Variants in DLG2 observed in about 807,000 individuals in gnomAD.
DLG2 encodes discs large MAGUK scaffold protein 2.
A neutral mutation model predicts 132.5 loss-of-function variants in DLG2; 45 were observed. The ratio of observed to expected loss-of-function variants is 0.34; its 90% CI spans 0.27 to 0.44. The LOEUF (loss-of-function observed/expected upper bound fraction) is 0.44, where lower values mean the gene tolerates loss of function less well. Among genes scored for constraint, DLG2 ranks in the 20% least tolerant of loss-of-function variants. The pLI is 1.00. For synonymous variants in DLG2, 424 were observed against 419.6 expected (o/e 1.01, Z -0.13); for missense variants, 1,045 against 1,196.9 (o/e 0.87, Z 1.87).
At chr11:85,503,224 T>C in intron 3 of DLG2, among the ~76,000 whole-genome samples, 1 of 152,264 alleles carries the variant, frequency 6.6e-6, no homozygotes, top group East Asian at 1.9e-4. Context: ...GCATTCAAGC[T>C]TTTTAAGGTT....
intron 4 of DLG2, among the ~76,000 whole-genome samples, chr11:85,199,580 A>G (rs1291785970): frequency 6.6e-6 from 1 of 152,180 alleles, no homozygotes; most frequent in Non-Finnish European, 1.5e-5. Context: ...TAATTCTGAA[A>G]TTCTTCCTCT....
At chr11:85,153,578 T>A (rs1470406787) in intron 5 of DLG2, among the ~76,000 whole-genome samples, 1 of 152,034 alleles carries the variant, frequency 6.6e-6, no homozygotes, top group Admixed American at 6.6e-5. Context: ...ACAGAAGATA[T>A]CCCTAAAAAA....
intron 3 of DLG2, among the ~76,000 whole-genome samples, chr11:85,503,947 G>A (rs995687788): frequency 6.6e-6 from 1 of 151,434 alleles, no homozygotes. Context: ...GGAGGAGGAG[G>A]AGGAGGAGGG....
chr11:83,843,068 T>C (rs1206982911), intron 16 of DLG2, among the ~76,000 whole-genome samples: 4 of 152,212 alleles, frequency 2.6e-5, no homozygotes, highest in African/African-American at 4.8e-5. Flanking sequence ...AGGATCTGTG[T>C]ACCTTTTAGG....
intron 8 of DLG2, among the ~76,000 whole-genome samples, chr11:84,232,048 A>C (rs2097100434): frequency 6.6e-6 from 1 of 152,160 alleles, no homozygotes; most frequent in Non-Finnish European, 1.5e-5. Context: ...CAACATAGAA[A>C]CTAAAGCCAG....
intron 6 of DLG2, among the ~76,000 whole-genome samples, chr11:84,726,599 A>G (rs185526318): frequency 2.0e-3 from 305 of 152,222 alleles, no homozygotes; most frequent in Non-Finnish European, 3.3e-3. Flanking sequence ...TTTATAGTAG[A>G]ATGATTTATA....
intron 6 of DLG2, among the ~76,000 whole-genome samples, chr11:84,928,982 G>GTGTGTGTGTATATATATATA (rs1400906684): frequency 3.5e-4 from 17 of 49,116 alleles, no homozygotes; most frequent in Non-Finnish European, 4.3e-4. Flanking sequence ...GTGTGTGTGT[G>GTGTGTGTGTATATATATATA]TATATATATA....
At chr11:83,572,753 A>C (rs1192874557) in intron 19 of DLG2, among the ~76,000 whole-genome samples, 1 of 152,162 alleles carries the variant, frequency 6.6e-6, no homozygotes, top group African/African-American at 2.4e-5. Context: ...CTCCTTAGTG[A>C]GGCAACTCAC....
chr11:83,461,942 GTGCCAAA>G (rs1591226683), intron 27 of DLG2, 53 bp downstream of exon 27: 1 of 1,185,490 alleles, frequency 8.4e-7, no homozygotes, highest in East Asian at 2.3e-5. Context: ...AACCCTCTCT[GTGCCAAA>G]TGTCAGACAA....
At chr11:84,360,699 G>C (rs936661710) in intron 7 of DLG2, among the ~76,000 whole-genome samples, 1 of 151,864 alleles carries the variant, frequency 6.6e-6, no homozygotes, top group African/African-American at 2.4e-5. Context: ...TGAAGGATAA[G>C]AAGGACTATC....
At chr11:85,069,033 C>G (rs1566782955) in intron 6 of DLG2, among the ~76,000 whole-genome samples, 1 of 151,860 alleles carries the variant, frequency 6.6e-6, no homozygotes, top group African/African-American at 2.4e-5. Flanking sequence ...ACAAACCTGA[C>G]AAAAACAAGA....
chr11:84,015,094 A>G (rs1163607494), intron 11 of DLG2, among the ~76,000 whole-genome samples: 2 of 152,150 alleles, frequency 1.3e-5, no homozygotes, highest in Non-Finnish European at 2.9e-5. Flanking sequence ...TGTACATTTA[A>G]TCATTCACCT....
chr11:84,775,323 G>A (rs1374830717), intron 6 of DLG2, among the ~76,000 whole-genome samples: 1 of 152,160 alleles, frequency 6.6e-6, no homozygotes, highest in African/African-American at 2.4e-5. Flanking sequence ...TACACCTTTG[G>A]TGGGAATGTA....
intron 19 of DLG2, among the ~76,000 whole-genome samples, chr11:83,570,632 T>C (rs1476834468): frequency 6.6e-6 from 1 of 151,890 alleles, no homozygotes; most frequent in Non-Finnish European, 1.5e-5. Context: ...ACATTTTAGA[T>C]GAAGAGGGAA....
intron 6 of DLG2, among the ~76,000 whole-genome samples, chr11:84,542,252 C>T (rs770944578): frequency 1.3e-5 from 2 of 152,090 alleles, no homozygotes; most frequent in Non-Finnish European, 2.9e-5. Context: ...ATAGTGAATA[C>T]TATCCATGAA....
chr11:83,578,432 A>C (rs1262014084), intron 19 of DLG2, among the ~76,000 whole-genome samples: 1 of 152,126 alleles, frequency 6.6e-6, no homozygotes, highest in African/African-American at 2.4e-5. Flanking sequence ...CAACTGTAAA[A>C]AGTTCAAGGC....
chr11:85,500,426 G>C (rs2093771804), intron 3 of DLG2, among the ~76,000 whole-genome samples: 1 of 145,292 alleles, frequency 6.9e-6, no homozygotes, highest in Non-Finnish European at 1.5e-5. Context: ...AGCATTGGGA[G>C]ATATACCTAA....
intron 7 of DLG2, among the ~76,000 whole-genome samples, chr11:84,532,116 C>CGTT (rs1565211965): frequency 1.4e-5 from 1 of 69,918 alleles, no homozygotes; most frequent in African/African-American, 4.7e-5. Context: ...TTGTTCTGTT[C>CGTT]ATTTTTTTTT....
chr11:83,799,201 G>A (rs753487493), intron 17 of DLG2, among the ~76,000 whole-genome samples: 1 of 152,216 alleles, frequency 6.6e-6, no homozygotes, highest in African/African-American at 2.4e-5. Context: ...ATTGTGAGCA[G>A]TCTGATGGCT....
Sources: gnomAD v4.1 joint callset for allele counts (sites outside exome capture counted in the v4.1 genomes callset) on GRCh38, gnomAD v4.1.1 for gene constraint, MANE v1.5 for transcripts, NCBI Gene and HGNC (gene_info 2026-07-23, HGNC 2026-07-21) for gene names.